MBOAT2: variants seen among roughly 807,000 people sequenced by gnomAD.
MBOAT2 encodes membrane-bound glycerophospholipid O-acyltransferase 2.
Under a neutral mutation model 63.4 loss-of-function variants are expected in MBOAT2, and 28 were observed. The observed-to-expected ratio is 0.44, with a 90% CI of 0.33 to 0.61. The LOEUF is 0.61. Ranked by LOEUF, MBOAT2 falls within the 20% of genes least tolerant of loss-of-function variation. The pLI is 0.03. For missense variants in MBOAT2, 470 were observed against 605.8 expected (o/e 0.78, Z 2.35); for synonymous variants, 211 against 215.6 (o/e 0.98, Z 0.19).
intron 4 of MBOAT2, among the ~76,000 whole-genome samples, chr2:8,907,740 T>G (rs1247843823): frequency 2.0e-5 from 3 of 152,230 alleles, no homozygotes; most frequent in African/African-American, 7.2e-5. Context: ...CTGAACCTAT[T>G]TTTAAAATCT....
chr2:8,876,350 C>A lies in MBOAT2; in HGVS notation c.690+680G>T, dbSNP rs576861918. Among the ~76,000 whole-genome samples the A allele has an allele frequency of 6.6e-5, 10 of 152,306 alleles. No individual in the cohort carries two copies. The South Asian group carries it at 2.1e-3, about 32-fold the overall frequency. On this transcript the variant is annotated intron_variant, in intron 7 of 12. Transcript: ENST00000305997. ...TCACTTAGCCTCTGAGTCTCAGTTT[C>A]CTCAATGGTGAGAAAAACAGTGTCT...
intron 2 of MBOAT2, among the ~76,000 whole-genome samples, chr2:8,951,995 A>G (rs1246362585): frequency 1.3e-5 from 2 of 152,120 alleles, no homozygotes; most frequent in South Asian, 4.1e-4. Context: ...TCGTTTTTCT[A>G]GTTCCTCTAG....
chr2:8,964,014 C>A (rs1311977331), intron 1 of MBOAT2, among the ~76,000 whole-genome samples: 2 of 152,172 alleles, frequency 1.3e-5, no homozygotes, highest in African/African-American at 4.8e-5. Flanking sequence ...TATGCACAGG[C>A]CCAGAAACAC....
At chr2:8,870,163 A>G (rs1454721356) in intron 8 of MBOAT2, among the ~76,000 whole-genome samples, 1 of 152,196 alleles carries the variant, frequency 6.6e-6, no homozygotes, top group Non-Finnish European at 1.5e-5. Flanking sequence ...CTGTCCCTAC[A>G]TGGACTAAAT....
At chr2:8,965,409 A>G (rs1558663194) in intron 1 of MBOAT2, among the ~76,000 whole-genome samples, 2 of 152,202 alleles carry the variant, frequency 1.3e-5, no homozygotes, top group Non-Finnish European at 2.9e-5. Flanking sequence ...AACAGCAAGT[A>G]CAGCAGATGT....
chr2:8,858,521 C>T lies in MBOAT2; in HGVS notation c.*158G>A, dbSNP rs1480590002. ...ACATGGCATGGGAGGGCTTGTTTCA[C>T]TCCATTTCCAATCTGGTGTACAGGA... On this transcript the variant is annotated 3_prime_UTR_variant, in exon 13 of 13. Coordinates refer to ENST00000305997, the MANE Select transcript of MBOAT2 (RefSeq NM_138799.4). 3.4e-6 allele frequency: 2 copies of T among 587,756 alleles called. No individual in the cohort carries two copies. Among genetic ancestry groups the T allele is most frequent in the South Asian group, 2.4e-5 (1 of 41,320 alleles). 36.4% of individuals were successfully genotyped at this position (587,756 alleles called of 1,614,324 possible). A position where few individuals can be genotyped will look rare whatever the true frequency, so the allele number is the denominator to read the frequency against.
intron 4 of MBOAT2, among the ~76,000 whole-genome samples, chr2:8,902,231 G>T (rs957123842): frequency 6.6e-6 from 1 of 152,192 alleles, no homozygotes; most frequent in African/African-American, 2.4e-5. Flanking sequence ...CTGGCCAACA[G>T]GTGCCCAGTA....
At chr2:8,998,022 GT>G (rs959186449) in intron 1 of MBOAT2, among the ~76,000 whole-genome samples, 18 of 152,194 alleles carry the variant, frequency 1.2e-4, no homozygotes, top group African/African-American at 2.4e-4. Flanking sequence ...CCTCCTCTAA[GT>G]TTTTATTTAT....
chr2:8,938,793 G>A (rs547964814), intron 3 of MBOAT2, among the ~76,000 whole-genome samples: 47 of 152,308 alleles, frequency 3.1e-4, no homozygotes, highest in African/African-American at 1.1e-3. Context: ...ATGCTGCCAT[G>A]TTTCATGCCT....
In MBOAT2 at chr2:8,904,888, T is replaced by C. The variant is rs578075654; in HGVS notation, c.395+3733A>G. Among the ~76,000 whole-genome samples the C allele has an allele frequency of 2.0e-5, 3 of 152,336 alleles. No individual in the cohort carries two copies. In the South Asian group the frequency reaches 6.2e-4, roughly 32 times the overall value. On this transcript the variant is annotated intron_variant, in intron 4 of 12. Transcript: ENST00000305997. ...CTAACATGAAACCAAACAACTTCAG[T>C]AGCTTTTCAACCTTTCTGTAAACAG...
intron 11 of MBOAT2, among the ~76,000 whole-genome samples, chr2:8,861,974 G>GT: frequency 6.6e-6 from 1 of 152,274 alleles, no homozygotes; most frequent in African/African-American, 2.4e-5. Flanking sequence ...CCTCTTACCT[G>GT]TAAGTGCCAT....
chr2:8,991,142 T>C (rs1184291869), intron 1 of MBOAT2, among the ~76,000 whole-genome samples: 3 of 152,260 alleles, frequency 2.0e-5, no homozygotes, highest in African/African-American at 7.2e-5. Context: ...ACTCCAAAGC[T>C]GATAACTCCA....
intron 8 of MBOAT2, 62 bp from the exon 9 acceptor site, chr2:8,868,611 C>T: frequency 7.6e-7 from 1 of 1,313,092 alleles, no homozygotes; most frequent in Non-Finnish European, 1.1e-6. Context: ...CCATATTCTC[C>T]CAGAAGGTAT....
chr2:8,980,399 C>A (rs1671115997), intron 1 of MBOAT2, among the ~76,000 whole-genome samples: 1 of 152,154 alleles, frequency 6.6e-6, no homozygotes, highest in African/African-American at 2.4e-5. Flanking sequence ...CTGGCATTTA[C>A]AACCTCTTTA....
chr2:8,944,179 C>T (rs993517050), intron 2 of MBOAT2, among the ~76,000 whole-genome samples: 2 of 152,126 alleles, frequency 1.3e-5, no homozygotes, highest in African/African-American at 4.8e-5. Context: ...ATGGTATTTT[C>T]TAATATTCCA....
rs570591743 is a variant in MBOAT2, at chr2:8,998,539, T to C, written c.75+5001A>G. 5.3e-5 allele frequency among the ~76,000 whole-genome samples: 8 copies of C among 152,220 alleles called. 1 individual carries two copies. In the South Asian group the frequency reaches 1.7e-3, roughly 32 times the overall value. On this transcript the variant is annotated intron_variant, in intron 1 of 12. Coordinates refer to ENST00000305997, the MANE Select transcript of MBOAT2 (RefSeq NM_138799.4). ...CCTGCAGGAAGATTAAAGAAGTGAA[T>C]GTTTTCAACTACCCTTTTCCATAAC...
intron 1 of MBOAT2, among the ~76,000 whole-genome samples, chr2:8,980,045 G>C (rs1028237452): frequency 6.6e-6 from 1 of 152,122 alleles, no homozygotes; most frequent in Non-Finnish European, 1.5e-5. Context: ...TAATTAAGTA[G>C]TCAAAGGCAG....
intron 7 of MBOAT2, among the ~76,000 whole-genome samples, chr2:8,876,378 C>A (rs1662700001): frequency 6.6e-6 from 1 of 152,168 alleles, no homozygotes; most frequent in African/African-American, 2.4e-5. Flanking sequence ...CAGTGTCTAC[C>A]TTGTATGAAT....
At chr2:8,875,737 A>G (rs781539617) in intron 7 of MBOAT2, among the ~76,000 whole-genome samples, 1 of 152,212 alleles carries the variant, frequency 6.6e-6, no homozygotes, top group Non-Finnish European at 1.5e-5. Context: ...GAGACCACTA[A>G]AAGATTAAGT....
Sources: gnomAD v4.1 joint callset for allele counts (sites outside exome capture counted in the v4.1 genomes callset) on GRCh38, gnomAD v4.1.1 for gene constraint, MANE v1.5 for transcripts, NCBI Gene and HGNC (gene_info 2026-07-23, HGNC 2026-07-21) for gene names.